VRK3: variants seen among roughly 807,000 people sequenced by gnomAD.
The protein encoded by VRK3 is VRK serine/threonine kinase 3.
VRK3 carries 50 observed loss-of-function variants against 60.4 expected under a neutral mutation model. The ratio of observed to expected loss-of-function variants is 0.83; its 90% CI spans 0.66 to 1.05. The LOEUF (loss-of-function observed/expected upper bound fraction) is 1.05, where lower values mean the gene tolerates loss of function less well. Among genes scored for constraint, VRK3 ranks in the 50% least tolerant of loss-of-function variants. The pLI is 0.00. For missense variants in VRK3, 549 were observed against 585.3 expected (o/e 0.94, Z 0.64); for synonymous variants, 246 against 227.8 (o/e 1.08, Z -0.72).
Position 49,992,954 on chromosome 19 carries a change from TG to T in VRK3, c.871-3del, listed in dbSNP as rs1568785556. The T allele has an allele frequency of 1.2e-6, 2 of 1,611,198 alleles. No homozygotes were observed. ...ATGGAGGAACTCCAGGGCATCCAGC[TG>T]GGGGAAGAAGCAAGTCAGTGTCTGC... On this transcript the variant is annotated splice_region_variant and splice_polypyrimidine_tract_variant and intron_variant, in intron 9 of 14. Transcript: ENST00000316763.
At chr19:49,995,022 A>G in intron 8 of VRK3, 103 bp from the exon 9 acceptor site, 1 of 1,303,062 alleles carries the variant, frequency 7.7e-7, no homozygotes, top group African/African-American at 1.5e-5. Context: ...TCCTGGTCCC[A>G]GGTGAGATCA....
At position 49,998,739 on chromosome 19, in the gene VRK3, TGGA is replaced by T. The variant is rs1404341105; in HGVS notation, c.613-1172_613-1170del. On this transcript the variant is annotated intron_variant, in intron 6 of 14. Transcript: ENST00000316763. ...TTTCCTCATCTGTTAAATAGGAACA[TGGA>T]AGCCATCCCATAGGCTTGCTGAAAT... is the stretch of plus-strand genomic sequence containing the variant. The T allele has an allele frequency of 2.0e-5, 3 of 151,918 alleles. No homozygotes were observed. The East Asian group carries it at 5.8e-4, about 29-fold the overall frequency. The allele number at this position is 151,918 out of a possible 1,614,324, so 9.4% of individuals were successfully genotyped here.
At position 50,016,050 on chromosome 19, in the gene VRK3, A is replaced by T. The variant is rs1330816250; in HGVS notation, c.113T>A (p.Val38Asp). The change falls in exon 3 of 15, where the codon GTC (valine) becomes GAC (aspartate). Residue 38 changes from valine to aspartate, a missense_variant. Val to Asp is a radical substitution (Grantham distance 152). Coordinates refer to ENST00000316763, the MANE Select transcript of VRK3 (RefSeq NM_016440.4). ...VEEHVGSQTF[V>D]NPHVSSFQGS... ...TTGGAAGGATGACACATGTGGATTG[A>T]CAAAGGTCTGGGACCCTACATGCTC... 6.2e-7 allele frequency: 1 copy of T among 1,614,200 alleles called. No homozygotes were observed.
chr19:50,010,564 A>G (rs1292359759), intron 3 of VRK3, among the ~76,000 whole-genome samples: 1 of 152,274 alleles, frequency 6.6e-6, no homozygotes, highest in Non-Finnish European at 1.5e-5. Context: ...GGGACCACAC[A>G]GATCAGTGTG....
Position 50,007,607 on chromosome 19 carries a change from G to T in VRK3, c.509C>A (p.Ser170Tyr), listed in dbSNP as rs1205046715. ...GCCCTGGTTGTCCCTGGTCTGGAAG[G>T]ACTTCAGCTTCCACTGTCGCCCACT... Reference protein sequence around the residue: ...DKSGRQWKLKSFQTRDNQGIL... With the variant: ...DKSGRQWKLKYFQTRDNQGIL... The change falls in exon 5 of 15, where the codon TCC (serine) becomes TAC (tyrosine). Residue 170 changes from serine to tyrosine, a missense_variant. Transcript: ENST00000316763. 1 of 1,614,200 alleles carries T rather than the reference G, an allele frequency of 6.2e-7. No homozygotes were observed. The highest frequency in any genetic ancestry group is 2.2e-5 in the East Asian group (1 of 44,884).
chr19:50,012,984 G>A (rs1332913634), intron 3 of VRK3, among the ~76,000 whole-genome samples: 2 of 151,948 alleles, frequency 1.3e-5, no homozygotes, highest in African/African-American at 4.8e-5. Context: ...TGGCTAACAC[G>A]GTGAAACCCC....
chr19:49,987,152 C>CGT (rs1183699261), intron 12 of VRK3, among the ~76,000 whole-genome samples: 1 of 152,240 alleles, frequency 6.6e-6, no homozygotes, highest in African/African-American at 2.4e-5. Flanking sequence ...GGGATTAAGG[C>CGT]GTGAACCACC....
At chr19:49,979,815 G>A (rs572725639) in intron 13 of VRK3, among the ~76,000 whole-genome samples, 35 of 151,798 alleles carry the variant, frequency 2.3e-4, no homozygotes, top group African/African-American at 7.7e-4. Flanking sequence ...AGGCAGAGGC[G>A]GGTGGATCAT....
chr19:49,984,642 T>C lies in VRK3; in HGVS notation c.1218-3629A>G, dbSNP rs2076482116. 2.0e-5 allele frequency among the ~76,000 whole-genome samples: 3 copies of C among 152,338 alleles called. 1 individual carries two copies. The highest frequency in any genetic ancestry group is 4.8e-5 in the African/African-American group (2 of 41,568). On this transcript the variant is annotated intron_variant, in intron 12 of 14. Transcript: ENST00000316763. Reference sequence around the variant, plus strand: ...TCCACTACGATTTTTCTTTCCTTTTTCTTTTTTTGAGACAGGGTCTCACTA... The same window carrying C: ...TCCACTACGATTTTTCTTTCCTTTTCCTTTTTTTGAGACAGGGTCTCACTA...
intron 3 of VRK3, among the ~76,000 whole-genome samples, chr19:50,010,039 ATAAT>A (rs1377310335): frequency 1.4e-5 from 2 of 148,142 alleles, no homozygotes; most frequent in Non-Finnish European, 2.9e-5. Context: ...TCTGATTACA[ATAAT>A]TATTTTATAT....
chr19:50,011,410 C>T (rs2076991847), intron 3 of VRK3, among the ~76,000 whole-genome samples: 1 of 152,214 alleles, frequency 6.6e-6, no homozygotes, highest in Non-Finnish European at 1.5e-5. Context: ...TTAGTTGACA[C>T]TGACTAACTC....
At chr19:49,998,646 T>C (rs2076746075) in intron 6 of VRK3, 3 of 152,108 alleles carry the variant, frequency 2.0e-5, no homozygotes, top group Admixed American at 2.0e-4. Context: ...ATTCTGGGCA[T>C]TGGGGATATA....
At chr19:49,982,097 G>C in intron 12 of VRK3, 1 of 702,656 alleles carries the variant, frequency 1.4e-6, no homozygotes, top group East Asian at 2.7e-5. Flanking sequence ...GGAACTGGGA[G>C]GAGGTGGAAA....
intron 3 of VRK3, among the ~76,000 whole-genome samples, chr19:50,010,296 T>C (rs576825076): frequency 1.3e-5 from 2 of 152,224 alleles, no homozygotes; most frequent in Admixed American, 1.3e-4. Context: ...CATTCTCATC[T>C]ATTAATTCTA....
chr19:49,978,597 T>C (rs1435171756), intron 14 of VRK3: 2 of 153,856 alleles, frequency 1.3e-5, no homozygotes, highest in Non-Finnish European at 2.9e-5. Flanking sequence ...GTGTCCGTCA[T>C]CCACAGGAAG....
intron 14 of VRK3, 189 bp downstream of exon 14, chr19:49,978,894 G>A: frequency 1.0e-5 from 5 of 498,540 alleles, no homozygotes; most frequent in Middle Eastern, 1.1e-3. Flanking sequence ...GTTGAGCCGG[G>A]TTTCTGCTAC....
intron 12 of VRK3, 45 bp downstream of exon 12, chr19:49,988,327 G>T: frequency 6.4e-7 from 1 of 1,564,450 alleles, no homozygotes; most frequent in Non-Finnish European, 8.6e-7. Flanking sequence ...ACCTGCAGGG[G>T]TTCTGCTGAC....
At chr19:49,981,782 G>GCA (rs1287518053) in intron 12 of VRK3, 1 of 1,044,312 alleles carries the variant, frequency 9.6e-7, no homozygotes, top group African/African-American at 1.7e-5. Flanking sequence ...CCCGTCCCAA[G>GCA]CACACACACA....
chr19:50,023,201 TTGAGATG>T (rs2077199121), intron 1 of VRK3, among the ~76,000 whole-genome samples: 1 of 152,220 alleles, frequency 6.6e-6, no homozygotes, highest in Non-Finnish European at 1.5e-5. Flanking sequence ...TTTCTTTTTT[TTGAGATG>T]GAGTTTGGCT....
Sources: allele counts gnomAD v4.1 joint callset (sites outside exome capture counted in the v4.1 genomes callset), GRCh38; gene constraint gnomAD v4.1.1; transcripts MANE v1.5; gene names NCBI Gene and HGNC (gene_info 2026-07-23, HGNC 2026-07-21).